Variants in SLC12A7 observed in about 807,000 individuals in gnomAD.
SLC12A7 encodes K-Cl cotransporter 4.
In SLC12A7, 100 loss-of-function variants were observed where a neutral mutation model predicts 120.6. The ratio of observed to expected loss-of-function variants is 0.83; its 90% confidence interval spans 0.71 to 0.98. The LOEUF (loss-of-function observed/expected upper bound fraction) is 0.98, where lower values mean the gene tolerates loss of function less well. Ranked by LOEUF, SLC12A7 falls within the 50% of genes least tolerant of loss-of-function variation. The pLI is 0.00. For missense variants in SLC12A7, 1,373 were observed against 1,548.1 expected, an observed-to-expected ratio of 0.89 and a Z score of 1.90; for synonymous variants, 760 against 678.0, an observed-to-expected ratio of 1.12 and a Z score of -1.88.
intron 22 of SLC12A7, among the ~76,000 whole-genome samples, chr5:1,056,747 G>A (rs570593825): frequency 6.6e-6 from 1 of 152,272 alleles, no homozygotes; most frequent in African/African-American, 2.4e-5. Context: ...CTGGCTTTAG[G>A]GTCTGGCTCT....
In SLC12A7 at chr5:1,075,455, G is replaced by T; in HGVS notation, c.1883C>A (p.Ala628Glu). 1 of 1,612,486 alleles carries T rather than the reference G, an allele frequency of 6.2e-7. No homozygotes were observed. Among genetic ancestry groups the T allele is most frequent in the Non-Finnish European group, 8.5e-7 (1 of 1,179,606 alleles). Residue 628 changes from alanine to glutamate, a missense_variant, in exon 15 of 24, where the codon GCG becomes GAG. By Grantham distance (107) the Ala-to-Glu change is moderately radical (BLOSUM62 -1). Transcript: ENST00000264930. Reference protein sequence around the residue: ...LSFLGMSLCLALMFICSWYYA... With the variant: ...LSFLGMSLCLELMFICSWYYA... ...GTACCAGGAGCAGATGAACATCAGC[G>T]CCAGGCACAGGCTCATACCCAGAAA...
chr5:1,105,634 A>G (rs1460977690), intron 1 of SLC12A7, among the ~76,000 whole-genome samples: 1 of 152,240 alleles, frequency 6.6e-6, no homozygotes, highest in Non-Finnish European at 1.5e-5. Flanking sequence ...ATCTGCACAG[A>G]ACAGGCCTCT....
the SLC12A7 span, among the ~76,000 whole-genome samples, chr5:1,143,140 C>T: frequency 1.7e-4 from 26 of 152,334 alleles, no homozygotes; most frequent in East Asian, 4.1e-3. Flanking sequence ...GGTCAGAAGC[C>T]GCAGCTCAAG....
chr5:1,122,722 T>A, the SLC12A7 span, among the ~76,000 whole-genome samples: 22 of 152,116 alleles, frequency 1.4e-4, no homozygotes, highest in African/African-American at 5.3e-4. Context: ...TCCACACAGC[T>A]CCTTGGTGCT....
At chr5:1,078,083 A>G (rs962260249) in intron 11 of SLC12A7, 76 bp from the exon 12 acceptor site, 6 of 1,472,892 alleles carry the variant, frequency 4.1e-6, no homozygotes, top group Non-Finnish European at 5.4e-6. Flanking sequence ...TCTCCCACCC[A>G]GAGCGAGGGG....
chr5:1,146,380 C>T, the SLC12A7 span, among the ~76,000 whole-genome samples: 506 of 152,254 alleles, frequency 3.3e-3, 3 homozygotes, highest in African/African-American at 0.012. The surrounding 1 kb of genome is among the most constrained non-coding windows in gnomAD (Gnocchi z 6.5). Context: ...TCTGACCTGG[C>T]CGTGGAATGA....
rs558593640 is a variant in SLC12A7, at chr5:1,064,054, G to A, written c.2607+29C>T. The A allele has an allele frequency of 8.4e-5, 134 of 1,600,510 alleles. 1 individual carries two copies. Among genetic ancestry groups the A allele is most frequent in the Admixed American group, 4.9e-4 (29 of 59,236 alleles). On this transcript the variant is annotated intron_variant, in intron 19 of 23. Coordinates refer to ENST00000264930, the MANE Select transcript of SLC12A7 (RefSeq NM_006598.3). ...GCAGCACGTGGGGTGGCCGTGCTCC[G>A]GCTGGCGTGTCCCCGTCGCACGCCC...
At chr5:1,088,038 T>TC (rs1249876427) in intron 5 of SLC12A7, among the ~76,000 whole-genome samples, 1 of 151,952 alleles carries the variant, frequency 6.6e-6, no homozygotes, top group Admixed American at 6.6e-5. Context: ...CGCCCGTGCC[T>TC]CCCCCTCCCC....
In SLC12A7 at chr5:1,078,741, G is replaced by C. The variant is rs1218516869; in HGVS notation, c.1414C>G (p.Leu472Val). ...TSFIYLSCIV[L>V]FGACIEGVVL... ...ACGCCTTCAATGCAGGCCCCAAACA[G>C]CACAATGCAGGAGAGATCCACAGCC... Residue 472 changes from leucine to valine, a missense_variant, in exon 11 of 24, where the codon CTG becomes GTG. Coordinates refer to ENST00000264930, the MANE Select transcript of SLC12A7 (RefSeq NM_006598.3). 1 of 1,611,012 alleles carries C rather than the reference G, an allele frequency of 6.2e-7. No individual in the cohort carries two copies.
intron 17 of SLC12A7, among the ~76,000 whole-genome samples, chr5:1,069,250 C>G (rs1391159657): frequency 6.6e-6 from 1 of 152,206 alleles, no homozygotes; most frequent in African/African-American, 2.4e-5. Context: ...TTTTTTACCT[C>G]CATGGGATCC....
Position 1,112,033 on chromosome 5 carries a change from G to T in SLC12A7, c.-42C>A. On this transcript the variant is annotated 5_prime_UTR_variant, in exon 1 of 24. Transcript: ENST00000264930. ...CAGTCCCCGTCCCGGCCCGGCCCGC[G>T]CTGCGCCGCTCCCGCCGACGCCACG... 1 of 1,226,688 alleles carries T rather than the reference G, an allele frequency of 8.2e-7. No individual in the cohort carries two copies. Among genetic ancestry groups the T allele is most frequent in the Non-Finnish European group, 1.0e-6 (1 of 982,980 alleles). 76.0% of individuals were successfully genotyped at this position (1,226,688 alleles called of 1,614,324 possible).
chr5:1,089,012 G>A lies in SLC12A7; in HGVS notation c.459C>T (p.Ser153=). The A allele has an allele frequency of 6.2e-7, 1 of 1,612,998 alleles. No individual in the cohort carries two copies. The highest frequency in any genetic ancestry group is 8.5e-7 in the Non-Finnish European group (1 of 1,179,974). ...TGCAGCACATGGCCACGATGAGGAAGGACTCCAGGACACCAGCCACCCCCA... is the reference window on the plus strand; with the variant it reads ...TGCAGCACATGGCCACGATGAGGAAAGACTCCAGGACACCAGCCACCCCCA... The part of the protein sequence containing the change: ...WIVGVAGVLE[S]FLIVAMCCTC... Residue 153 remains serine, a synonymous_variant, in exon 4 of 24, where the codon TCC becomes TCT. Transcript: ENST00000264930.
chr5:1,131,043 G>A, the SLC12A7 span, among the ~76,000 whole-genome samples: 1 of 152,166 alleles, frequency 6.6e-6, no homozygotes, highest in African/African-American at 2.4e-5. Context: ...CCAGGGTGAG[G>A]CCTGGGGGAG....
the SLC12A7 span, among the ~76,000 whole-genome samples, chr5:1,136,974 TCA>T: frequency 2.1e-5 from 3 of 142,986 alleles, no homozygotes; most frequent in African/African-American, 8.4e-5. Context: ...ACACATGTAC[TCA>T]CACACCACCA....
the SLC12A7 span, among the ~76,000 whole-genome samples, chr5:1,135,536 T>C: frequency 1.3e-5 from 2 of 152,140 alleles, no homozygotes; most frequent in Admixed American, 6.5e-5. Flanking sequence ...TGGAGATACA[T>C]GATGCTGGTC....
At chr5:1,074,995 G>C (rs1420074979) in intron 15 of SLC12A7, among the ~76,000 whole-genome samples, 1 of 152,200 alleles carries the variant, frequency 6.6e-6, no homozygotes, top group African/African-American at 2.4e-5. Flanking sequence ...TGCAGGTGGA[G>C]GGAGGGTGGG....
chr5:1,085,256 G>A lies in SLC12A7; in HGVS notation c.893C>T (p.Ser298Phe), dbSNP rs758000695. 1.2e-6 allele frequency: 2 copies of A among 1,612,634 alleles called. No homozygotes were observed. Among genetic ancestry groups the A allele is most frequent in the Admixed American group, 1.7e-5 (1 of 60,012 alleles). Residue 298 changes from serine (S) to phenylalanine (F), a missense_variant, in exon 7 of 24, where the codon TCT becomes TTT. Physicochemically the swap from Ser to Phe is radical, Grantham distance 155. Transcript: ENST00000264930. ...ILAIYAGVIK[S>F]AFDPPDIPVC... ...CGGGATGTCCGGGGGGTCGAAGGCA[G>A]ACTTGATGACGCCGGCATAGATGGC... is the stretch of plus-strand genomic sequence containing the variant.
intron 3 of SLC12A7, among the ~76,000 whole-genome samples, chr5:1,089,863 G>C (rs1322563736): frequency 2.0e-5 from 3 of 151,656 alleles, no homozygotes; most frequent in Admixed American, 2.0e-4. Context: ...GGACGGGCCA[G>C]GCTGGGGTAG....
chr5:1,057,207 GGCACCCAGGTCTTACAAGGACTCCCGGC>G, intron 22 of SLC12A7: 1 of 455,490 alleles, frequency 2.2e-6, no homozygotes, highest in Middle Eastern at 5.5e-4. Flanking sequence ...CTCAGCACTT[GGCACCCAGGTCTTACAAGGACTCCCGGC>G]CTTGGCACTA....
Sources: gnomAD v4.1 joint callset for allele counts (sites outside exome capture counted in the v4.1 genomes callset) on GRCh38, gnomAD v4.1.1 for gene constraint, Gnocchi (gnomAD v3.1) non-coding constraint, MANE v1.5 for transcripts, NCBI Gene and HGNC (gene_info 2026-07-23, HGNC 2026-07-21) for gene names.